The following XIRP2 variants were observed in gnomAD, a reference collection of about 807,000 sequenced individuals.
XIRP2 encodes xin actin-binding repeat-containing protein 2.
In XIRP2, 236 loss-of-function variants were observed where a neutral mutation model predicts 277.0. That is an observed-to-expected ratio of 0.85 (90% CI 0.77 to 0.95). The LOEUF (loss-of-function observed/expected upper bound fraction) is 0.95. Among genes scored for constraint, XIRP2 ranks in the 40% least tolerant of loss-of-function variants. The pLI is 0.00. For synonymous variants in XIRP2, 1,490 were observed against 1,416.5 expected, an observed-to-expected ratio of 1.05 and a Z score of -1.17; for missense variants, 4,640 against 4,157.5, an observed-to-expected ratio of 1.12 and a Z score of -3.19.
intron 2 of XIRP2, among the ~76,000 whole-genome samples, chr2:167,046,874 C>T (rs939148106): frequency 5.9e-5 from 9 of 151,418 alleles, no homozygotes; most frequent in Admixed American, 1.3e-4. Context: ...ACACCAGCAA[C>T]GTGGAATTTA....
At chr2:167,144,432 A>G (rs183443194) in intron 3 of XIRP2, among the ~76,000 whole-genome samples, 2 of 152,250 alleles carry the variant, frequency 1.3e-5, no homozygotes, top group East Asian at 3.9e-4. Context: ...AGAATACCAC[A>G]TAACTTTGTA....
At chr2:166,955,443 A>C (rs1341857824) in intron 2 of XIRP2, among the ~76,000 whole-genome samples, 2 of 151,758 alleles carry the variant, frequency 1.3e-5, no homozygotes, top group African/African-American at 4.8e-5. Context: ...ATTAACAGTA[A>C]ATAAATATGA....
At chr2:167,071,205 A>G (rs1375527409) in intron 2 of XIRP2, among the ~76,000 whole-genome samples, 1 of 152,218 alleles carries the variant, frequency 6.6e-6, no homozygotes, top group Non-Finnish European at 1.5e-5. Flanking sequence ...TATAGTGTGA[A>G]CATATGTGAC....
chr2:167,137,376 C>T (rs138378099), intron 3 of XIRP2, among the ~76,000 whole-genome samples: 39 of 152,256 alleles, frequency 2.6e-4, no homozygotes, highest in Non-Finnish European at 5.1e-4. Flanking sequence ...TGTGATTAAA[C>T]TTTATGTGCA....
Position 167,243,907 on chromosome 2 carries a change from T to TTA in XIRP2, c.2515_2516insTA (p.Ser839LeufsTer13). On this transcript the variant is annotated frameshift_variant, in exon 9 of 11. Transcript: ENST00000409195. LOFTEE classifies it high-confidence loss of function. ...GGAAAAAATAATAGGTACAGATGTC[T>TTA]CCAGAAAGTGTTGGATGTTTGAAAC... 1 of 1,613,940 alleles carries TTA rather than the reference T, an allele frequency of 6.2e-7. No homozygotes were observed.
intron 2 of XIRP2, among the ~76,000 whole-genome samples, chr2:167,113,597 C>T (rs1690819538): frequency 1.3e-5 from 2 of 152,142 alleles, no homozygotes; most frequent in South Asian, 4.1e-4. Context: ...CTTTATCCAT[C>T]TTTCCACTCT....
At position 167,247,497 on chromosome 2, in the gene XIRP2, CAAT is replaced by C; in HGVS notation, c.6106_6108del (p.Asn2036del). Reference sequence around the variant, plus strand: ...AGATTGTCATAGATCGTGAACAAAACAATGATGCTCTGGAGAAAAGCCTTAGAA... The same window carrying C: ...AGATTGTCATAGATCGTGAACAAAACGATGCTCTGGAGAAAAGCCTTAGAA... On this transcript the variant is annotated inframe_deletion, in exon 9 of 11. Coordinates refer to ENST00000409195, the MANE Select transcript of XIRP2 (RefSeq NM_152381.6). 4.3e-6 allele frequency: 7 copies of C among 1,613,728 alleles called. No homozygotes were observed. Among genetic ancestry groups the C allele is most frequent in the Non-Finnish European group, 5.9e-6 (7 of 1,179,780 alleles).
intron 2 of XIRP2, among the ~76,000 whole-genome samples, chr2:167,132,313 T>C (rs187626349): frequency 1.5e-3 from 234 of 152,242 alleles, no homozygotes; most frequent in Non-Finnish European, 2.7e-3. Context: ...ACTCCAGAGC[T>C]AGGGACAAAT....
intron 2 of XIRP2, among the ~76,000 whole-genome samples, chr2:166,975,689 G>T (rs1686691775): frequency 6.6e-6 from 1 of 152,044 alleles, no homozygotes; most frequent in South Asian, 2.1e-4. Context: ...ACTTTGGGAG[G>T]CCAAGGCGGG....
At chr2:166,935,151 A>G (rs1685458315) in intron 2 of XIRP2, among the ~76,000 whole-genome samples, 1 of 152,210 alleles carries the variant, frequency 6.6e-6, no homozygotes, top group African/African-American at 2.4e-5. Context: ...GATTGTGCTA[A>G]TGAAGTTTTT....
At chr2:167,164,304 G>A (rs1034537111) in intron 3 of XIRP2, among the ~76,000 whole-genome samples, 1 of 148,514 alleles carries the variant, frequency 6.7e-6, no homozygotes, top group African/African-American at 2.5e-5. Flanking sequence ...AAATTAGCCG[G>A]GCGTGTTAGC....
rs762237606 is a variant in XIRP2 at position 167,258,345 on chromosome 2, T to A, written c.*528T>A. 1.9e-6 allele frequency: 3 copies of A among 1,613,488 alleles called. No individual in the cohort carries two copies. ...CAAAGACAAGATCACTTTCCATTTT[T>A]GCAGCCTTATCTACAGTCCACCCAT... On this transcript the variant is annotated 3_prime_UTR_variant, in exon 11 of 11. Coordinates refer to ENST00000409195, the MANE Select transcript of XIRP2 (RefSeq NM_152381.6).
rs191682154 is a variant in XIRP2, at chr2:166,937,454, C to T, written c.408+33564C>T. 1.5e-3 allele frequency among the ~76,000 whole-genome samples: 235 copies of T among 152,278 alleles called. 2 individuals are homozygous for T. The highest frequency in any genetic ancestry group is 5.3e-3 in the African/African-American group (221 of 41,566). On this transcript the variant is annotated intron_variant, in intron 2 of 10. Coordinates refer to ENST00000409195, the MANE Select transcript of XIRP2 (RefSeq NM_152381.6). ...ATCCCAGGGATGAAGCCGACTTGGT[C>T]ATGGTGGATAAGGTTTTTGATGTGC...
chr2:167,221,945 T>C (rs1432651889), intron 5 of XIRP2, among the ~76,000 whole-genome samples: 1 of 152,326 alleles, frequency 6.6e-6, no homozygotes, highest in East Asian at 1.9e-4. Flanking sequence ...TAAGGTATAA[T>C]AATAAAGTCC....
At chr2:167,228,460 A>G (rs1559030554) in intron 5 of XIRP2, among the ~76,000 whole-genome samples, 1 of 152,180 alleles carries the variant, frequency 6.6e-6, no homozygotes, top group Non-Finnish European at 1.5e-5. Context: ...GTGAAGACAC[A>G]GGCAGACATT....
intron 5 of XIRP2, among the ~76,000 whole-genome samples, chr2:167,226,246 C>T (rs886515866): frequency 6.6e-6 from 1 of 152,152 alleles, no homozygotes; most frequent in Non-Finnish European, 1.5e-5. Flanking sequence ...TTGCCATGCT[C>T]ATAATTGCCC....
chr2:166,942,623 G>A (rs1323729518), intron 2 of XIRP2, among the ~76,000 whole-genome samples: 2 of 152,076 alleles, frequency 1.3e-5, no homozygotes, highest in Non-Finnish European at 2.9e-5. Context: ...AAAGACCATT[G>A]TTATTATCCA....
At chr2:167,048,110 C>T (rs1181277933) in intron 2 of XIRP2, among the ~76,000 whole-genome samples, 1 of 151,946 alleles carries the variant, frequency 6.6e-6, no homozygotes. Context: ...AAGACAGAAT[C>T]ATTCAGTCTG....
intron 2 of XIRP2, among the ~76,000 whole-genome samples, chr2:166,997,131 G>A (rs1306986630): frequency 6.6e-6 from 1 of 152,074 alleles, no homozygotes; most frequent in Admixed American, 6.6e-5. Context: ...CTTCATTTTG[G>A]TACAGAACAC....
Sources: gnomAD v4.1 joint callset for allele counts (sites outside exome capture counted in the v4.1 genomes callset) on GRCh38, gnomAD v4.1.1 for gene constraint, MANE v1.5 for transcripts, NCBI Gene and HGNC (gene_info 2026-07-23, HGNC 2026-07-21) for gene names.